Variants in RMDN2 observed in about 807,000 individuals in gnomAD.
RMDN2 encodes the protein regulator of microtubule dynamics protein 2.
RMDN2 carries 61 observed loss-of-function variants against 52.8 expected under a neutral mutation model. The observed-to-expected ratio is 1.16, with a 90% confidence interval of 0.94 to 1.43. The LOEUF (loss-of-function observed/expected upper bound fraction) is 1.43. RMDN2 is among the 40% of genes most tolerant of loss of function. The probability of loss-of-function intolerance (pLI) is 0.00; values close to 1 mark genes in which losing one functional copy is unlikely to be tolerated. For missense variants in RMDN2, 592 were observed against 475.3 expected, an observed-to-expected ratio of 1.25 and a Z score of -2.28; for synonymous variants, 180 against 153.1, an observed-to-expected ratio of 1.18 and a Z score of -1.30.
At chr2:37,989,648 C>A (rs370816438) in intron 6 of RMDN2, 32 bp downstream of exon 6, 13 of 1,374,294 alleles carry the variant, frequency 9.5e-6, no homozygotes, top group Non-Finnish European at 1.2e-5. Context: ...TATTTCTTTT[C>A]AGATCCAGAC....
chr2:37,951,182 C>T (rs774652265), intron 2 of RMDN2: 1 of 1,496,672 alleles, frequency 6.7e-7, no homozygotes, highest in Admixed American at 2.3e-5. Flanking sequence ...TGGCAGGTCT[C>T]CACTCTGCTC....
chr2:38,037,946 T>A (rs1427726696), intron 10 of RMDN2, among the ~76,000 whole-genome samples: 1 of 152,172 alleles, frequency 6.6e-6, no homozygotes, highest in Admixed American at 6.5e-5. Flanking sequence ...TAAGAGAAGA[T>A]AAACATGTGA....
At chr2:38,025,372 G>A (rs548871168) in intron 10 of RMDN2, among the ~76,000 whole-genome samples, 5 of 151,988 alleles carry the variant, frequency 3.3e-5, no homozygotes, top group African/African-American at 7.2e-5. Flanking sequence ...TTCTGGTAGC[G>A]TTTTTGTAGA....
At chr2:38,059,025 T>C (rs771133995) in intron 10 of RMDN2, among the ~76,000 whole-genome samples, 7 of 152,276 alleles carry the variant, frequency 4.6e-5, no homozygotes, top group East Asian at 3.9e-4. Flanking sequence ...TAGTTACCAA[T>C]TGAATAAAAG....
Position 37,974,094 on chromosome 2 carries a change from A to G in RMDN2, c.507A>G (p.Ala169=), listed in dbSNP as rs116762973. Residue 169 remains alanine, a synonymous_variant, in exon 3 of 11, where the codon GCA becomes GCG. Transcript: ENST00000354545. ...AACAGAGTTTTCCAGTCCCTAAGGC[A>G]TTTAACACACGTGTAGAGGAATTAA... ...TEEQSFPVPK[A]FNTRVEELNL... 5.1e-5 allele frequency: 82 copies of G among 1,613,328 alleles called. No homozygotes were observed. In the African/African-American group the frequency reaches 1.0e-3, roughly 20 times the overall value.
intron 1 of RMDN2, 120 bp from the exon 2 acceptor site, chr2:37,929,142 C>T (rs1413875002): frequency 1.1e-5 from 7 of 622,838 alleles, no homozygotes; most frequent in Non-Finnish European, 2.0e-5. Flanking sequence ...GGGCTATTGT[C>T]CTACTTTTTG....
At chr2:37,951,168 G>T (rs1668730824) in intron 2 of RMDN2, 1 of 1,446,412 alleles carries the variant, frequency 6.9e-7, no homozygotes, top group Admixed American at 2.3e-5. Context: ...TTCTTCAGGA[G>T]GCTTGGCAGG....
chr2:38,061,191 A>G (rs1239747364), intron 10 of RMDN2, among the ~76,000 whole-genome samples: 2 of 152,102 alleles, frequency 1.3e-5, no homozygotes, highest in East Asian at 3.9e-4. Flanking sequence ...AGGAGTGGGC[A>G]TTAAGGACAA....
chr2:38,045,582 T>C (rs576667411), intron 10 of RMDN2, among the ~76,000 whole-genome samples: 1 of 141,062 alleles, frequency 7.1e-6, no homozygotes, highest in South Asian at 2.3e-4. Context: ...TAAAGCTAGA[T>C]AAAATTGTAA....
intron 2 of RMDN2, chr2:37,951,337 C>A (rs1252177788): frequency 6.2e-7 from 1 of 1,612,920 alleles, no homozygotes; most frequent in Admixed American, 1.7e-5. Flanking sequence ...CCAAGTATAT[C>A]TCTTGGTCAT....
intron 10 of RMDN2, among the ~76,000 whole-genome samples, chr2:38,006,987 G>T (rs761153036): frequency 1.3e-5 from 2 of 152,124 alleles, no homozygotes; most frequent in Non-Finnish European, 2.9e-5. Context: ...CCTTGGTTCT[G>T]TTTATATGCT....
chr2:37,989,395 T>C (rs1674461210), intron 5 of RMDN2, 146 bp from the exon 6 acceptor site: 1 of 599,116 alleles, frequency 1.7e-6, no homozygotes, highest in Non-Finnish European at 3.0e-6. Flanking sequence ...AAGTATTTAT[T>C]ATTGTTAGGG....
intron 5 of RMDN2, among the ~76,000 whole-genome samples, chr2:37,982,369 C>T (rs1212130400): frequency 1.3e-5 from 2 of 152,174 alleles, no homozygotes; most frequent in East Asian, 3.8e-4. Context: ...CTCAAAGGGA[C>T]ACATGCCAAA....
At chr2:37,960,998 T>A (rs1670152209) in intron 2 of RMDN2, among the ~76,000 whole-genome samples, 1 of 152,128 alleles carries the variant, frequency 6.6e-6, no homozygotes, top group Non-Finnish European at 1.5e-5. Flanking sequence ...TCTTTTTTTA[T>A]GAATTTTGAA....
At chr2:38,034,057 C>T (rs1680407303) in intron 10 of RMDN2, among the ~76,000 whole-genome samples, 1 of 152,188 alleles carries the variant, frequency 6.6e-6, no homozygotes, top group Admixed American at 6.5e-5. Flanking sequence ...ATTAGTGTTT[C>T]TTTACTTTTC....
rs548969171 is a variant in RMDN2, at chr2:38,047,556, A to C, written c.1714-19426A>C. ...AACACATATATGAGTTTTTTGATTTATGAACATGAGATGTCTTTCTTACCA... is the reference window on the plus strand; with the variant it reads ...AACACATATATGAGTTTTTTGATTTCTGAACATGAGATGTCTTTCTTACCA... On this transcript the variant is annotated intron_variant, in intron 10 of 10. Transcript: ENST00000234195. Among the ~76,000 whole-genome samples, 17 of 152,354 alleles carry C rather than the reference A, an allele frequency of 1.1e-4. No individual in the cohort carries two copies. In the South Asian group the frequency reaches 2.9e-3, roughly 26 times the overall value.
At chr2:37,952,297 C>A in intron 2 of RMDN2, 2 of 1,140,350 alleles carry the variant, frequency 1.8e-6, no homozygotes, top group Non-Finnish European at 2.5e-6. Flanking sequence ...TCATAACTCC[C>A]CTTTCCTCAC....
intron 2 of RMDN2, among the ~76,000 whole-genome samples, chr2:37,942,332 C>T (rs1189960034): frequency 6.6e-6 from 1 of 151,966 alleles, no homozygotes; most frequent in Non-Finnish European, 1.5e-5. Flanking sequence ...CAGACTGGAG[C>T]TGTTTCTATT....
At chr2:38,047,761 C>A (rs954808757) in intron 10 of RMDN2, among the ~76,000 whole-genome samples, 1 of 152,240 alleles carries the variant, frequency 6.6e-6, no homozygotes, top group Non-Finnish European at 1.5e-5. Context: ...TGACGGTTAA[C>A]TGTCTGCATC....
Sources: gnomAD v4.1 joint callset for allele counts (sites outside exome capture counted in the v4.1 genomes callset) on GRCh38, gnomAD v4.1.1 for gene constraint, MANE v1.5 for transcripts, NCBI Gene and HGNC (gene_info 2026-07-23, HGNC 2026-07-21) for gene names.